The following GALNTL6 variants were observed in gnomAD, a reference collection of about 807,000 sequenced individuals.
The protein encoded by GALNTL6 is polypeptide N-acetylgalactosaminyltransferase like 6, also known as polypeptide N-acetylgalactosaminyltransferase-like 6.
A neutral mutation model predicts 73.7 loss-of-function variants in GALNTL6; 46 were observed. That is an observed-to-expected ratio of 0.62 (90% confidence interval 0.49 to 0.80). GALNTL6 has a LOEUF of 0.80. Among genes scored for constraint, GALNTL6 ranks in the 30% least tolerant of loss-of-function variants. The probability of loss-of-function intolerance (pLI) is 0.00; values close to 1 mark genes in which losing one functional copy is unlikely to be tolerated. For synonymous variants in GALNTL6, 259 were observed against 263.7 expected (o/e 0.98, Z 0.17); for missense variants, 604 against 755.0 (o/e 0.80, Z 2.34).
chr4:172,190,544 T>G (rs1359223490), intron 2 of GALNTL6, among the ~76,000 whole-genome samples: 3 of 151,494 alleles, frequency 2.0e-5, no homozygotes, highest in African/African-American at 4.9e-5. Context: ...AAGAGGAAGG[T>G]GCATTTTAAA....
intron 5 of GALNTL6, among the ~76,000 whole-genome samples, chr4:172,388,854 A>G (rs923209197): frequency 2.6e-5 from 4 of 152,054 alleles, no homozygotes; most frequent in African/African-American, 9.7e-5. Flanking sequence ...CTTACATGAC[A>G]TCCTCCCAAA....
intron 3 of GALNTL6, among the ~76,000 whole-genome samples, chr4:172,300,265 T>C (rs1739860415): frequency 6.6e-6 from 1 of 152,212 alleles, no homozygotes; most frequent in African/African-American, 2.4e-5. Context: ...CATGTGTGTC[T>C]CTGCATGTGA....
At chr4:171,878,174 T>A (rs1380103099) in intron 2 of GALNTL6, among the ~76,000 whole-genome samples, 9 of 152,220 alleles carry the variant, frequency 5.9e-5, no homozygotes, top group Admixed American at 5.9e-4. Flanking sequence ...ATATGTCATA[T>A]CTGGATAGTT....
chr4:172,119,883 T>G (rs1364718765), intron 2 of GALNTL6, among the ~76,000 whole-genome samples: 2 of 152,172 alleles, frequency 1.3e-5, no homozygotes, highest in Non-Finnish European at 1.5e-5. Context: ...AGTTTTGAAC[T>G]GATTTTCTGT....
chr4:172,847,005 C>G (rs1203435316), intron 7 of GALNTL6, among the ~76,000 whole-genome samples: 2 of 152,040 alleles, frequency 1.3e-5, no homozygotes, highest in African/African-American at 2.4e-5. Context: ...TTGTTCCTGA[C>G]ATAGGTTTTT....
intron 5 of GALNTL6, among the ~76,000 whole-genome samples, chr4:172,525,183 T>C (rs1016438177): frequency 6.6e-6 from 1 of 152,222 alleles, no homozygotes; most frequent in Non-Finnish European, 1.5e-5. Flanking sequence ...TGCTGTTGGA[T>C]AGGCAAATCC....
At chr4:172,330,676 T>A (rs948782224) in intron 4 of GALNTL6, among the ~76,000 whole-genome samples, 2 of 152,144 alleles carry the variant, frequency 1.3e-5, no homozygotes, top group Non-Finnish European at 2.9e-5. Context: ...AGTTTATTTG[T>A]TTTTTTGTGT....
chr4:172,881,549 G>T (rs896834524), intron 7 of GALNTL6, among the ~76,000 whole-genome samples: 2 of 152,058 alleles, frequency 1.3e-5, no homozygotes, highest in Non-Finnish European at 2.9e-5. Context: ...ACAGATTCAG[G>T]TTTATGTTCC....
At chr4:172,484,170 T>C (rs1451680461) in intron 5 of GALNTL6, among the ~76,000 whole-genome samples, 2 of 152,192 alleles carry the variant, frequency 1.3e-5, no homozygotes, top group Non-Finnish European at 2.9e-5. Context: ...TGCTAGATTT[T>C]TGATCTGCTA....
At chr4:172,564,981 AATTT>A (rs1482970585) in intron 5 of GALNTL6, among the ~76,000 whole-genome samples, 1 of 152,204 alleles carries the variant, frequency 6.6e-6, no homozygotes. Flanking sequence ...TCATGAACAA[AATTT>A]ATTTATCTTG....
chr4:172,429,502 T>C (rs1293691793), intron 5 of GALNTL6, among the ~76,000 whole-genome samples: 2 of 152,128 alleles, frequency 1.3e-5, no homozygotes, highest in Admixed American at 1.3e-4. Flanking sequence ...AACCTCTTAA[T>C]ATCCTCACCT....
intron 5 of GALNTL6, among the ~76,000 whole-genome samples, chr4:172,679,886 A>T (rs1168803224): frequency 1.3e-5 from 2 of 152,022 alleles, no homozygotes; most frequent in African/African-American, 4.8e-5. Context: ...CCCAATAATT[A>T]TATTCTTTTC....
At chr4:172,642,276 T>G (rs1263758897) in intron 5 of GALNTL6, among the ~76,000 whole-genome samples, 1 of 152,058 alleles carries the variant, frequency 6.6e-6, no homozygotes, top group African/African-American at 2.4e-5. Flanking sequence ...TATCTGCACT[T>G]CCATATTCGT....
chr4:172,148,773 A>G (rs1378971351), intron 2 of GALNTL6, among the ~76,000 whole-genome samples: 1 of 152,218 alleles, frequency 6.6e-6, no homozygotes, highest in South Asian at 2.1e-4. Context: ...AAATGTGAGC[A>G]TAATGCTTAT....
At chr4:172,346,486 A>G (rs1389484325) in intron 4 of GALNTL6, among the ~76,000 whole-genome samples, 1 of 152,194 alleles carries the variant, frequency 6.6e-6, no homozygotes, top group East Asian at 1.9e-4. Context: ...ATAGATCTTG[A>G]ACCTGTCCTC....
chr4:172,286,826 G>T (rs1053733940), intron 3 of GALNTL6, among the ~76,000 whole-genome samples: 4 of 152,020 alleles, frequency 2.6e-5, no homozygotes, highest in African/African-American at 9.7e-5. Flanking sequence ...AGCCAAAGAA[G>T]GAAAATTTTA....
At chr4:171,897,519 A>G (rs1279668727) in intron 2 of GALNTL6, among the ~76,000 whole-genome samples, 1 of 152,136 alleles carries the variant, frequency 6.6e-6, no homozygotes, top group Non-Finnish European at 1.5e-5. Flanking sequence ...TTGACAATTC[A>G]CCATTTAAAA....
intron 5 of GALNTL6, among the ~76,000 whole-genome samples, chr4:172,482,355 T>C (rs1281582917): frequency 2.0e-5 from 3 of 152,294 alleles, no homozygotes; most frequent in African/African-American, 4.8e-5. Flanking sequence ...TCCTCAAGCG[T>C]GGCCAGAGCG....
intron 3 of GALNTL6, among the ~76,000 whole-genome samples, chr4:172,264,031 C>G (rs1340969987): frequency 6.6e-6 from 1 of 151,142 alleles, no homozygotes; most frequent in African/African-American, 2.4e-5. Flanking sequence ...AATATCACTA[C>G]ATTTTTTATG....
Sources: allele counts gnomAD v4.1 joint callset (sites outside exome capture counted in the v4.1 genomes callset), GRCh38; gene constraint gnomAD v4.1.1; transcripts MANE v1.5; gene names NCBI Gene and HGNC (gene_info 2026-07-23, HGNC 2026-07-21).